KIF18B: variants seen among roughly 807,000 people sequenced by gnomAD.
KIF18B encodes the protein kinesin-like protein KIF18B.
Under a neutral mutation model 80.9 loss-of-function variants are expected in KIF18B, and 49 were observed. The observed-to-expected ratio is 0.61, with a 90% CI of 0.48 to 0.77. The LOEUF (loss-of-function observed/expected upper bound fraction) is 0.77. Ranked by LOEUF, KIF18B falls within the 30% of genes least tolerant of loss-of-function variation. KIF18B has a pLI of 0.00. For synonymous variants in KIF18B, 439 were observed against 463.9 expected (o/e 0.95, Z 0.69); for missense variants, 994 against 1,127.7 (o/e 0.88, Z 1.70).
chr17:44,932,494 T>C (rs140325382), intron 9 of KIF18B, 179 bp downstream of exon 9: 47 of 600,902 alleles, frequency 7.8e-5, no homozygotes, highest in East Asian at 3.0e-4. Flanking sequence ...CATTTACTCA[T>C]TGGACACAGC....
chr17:44,937,795 T>C (rs1232595347), intron 1 of KIF18B, among the ~76,000 whole-genome samples: 1 of 152,174 alleles, frequency 6.6e-6, no homozygotes, highest in Non-Finnish European at 1.5e-5. Flanking sequence ...ATAATAATGA[T>C]GATAATGTGC....
chr17:44,935,151 C>T, intron 3 of KIF18B, 108 bp downstream of exon 3: 1 of 1,212,890 alleles, frequency 8.2e-7, no homozygotes, highest in Non-Finnish European at 1.1e-6. Flanking sequence ...TGAGGGGTGC[C>T]AGCTCTCCAT....
rs1328632304 is a variant in KIF18B at position 44,934,923 on chromosome 17, G to C, written c.484C>G (p.Gln162Glu). The change falls in exon 4 of 16, where the codon CAG becomes GAG. Residue 162 changes from glutamine to glutamate, a missense_variant. Gln to Glu is a conservative substitution (Grantham distance 29). Transcript: ENST00000593135. The surrounding 1 kb of genome is among the most constrained non-coding windows in gnomAD (Gnocchi z 5.4). The part of the protein sequence containing the change: ...LISYQEVYNE[Q>E]IHDLLEPKGP... The stretch of plus-strand genomic sequence containing the variant: ...TTGGGCTCCAGGAGGTCATGGATCT[G>C]TTCATTATACACCTGAGAAAGGAAG... 7 of 1,541,906 alleles carry C rather than the reference G, an allele frequency of 4.5e-6. No individual in the cohort carries two copies. Among genetic ancestry groups the C allele is most frequent in the Non-Finnish European group, 4.4e-6 (5 of 1,138,624 alleles).
At position 44,926,997 on chromosome 17, in the gene KIF18B, G is replaced by A. The variant is rs368451687; in HGVS notation, c.2358C>T (p.Arg786=). The A allele has an allele frequency of 1.4e-4, 223 of 1,610,252 alleles. No individual in the cohort carries two copies. Among genetic ancestry groups the A allele is most frequent in the Middle Eastern group, 6.6e-4 (4 of 6,046 alleles). Residue 786 remains arginine (R), a synonymous_variant, in exon 14 of 16, where the codon CGC becomes CGT. Transcript: ENST00000593135. ...CACCTCCCAAACCTCACCTCGCAAC[G>A]CGCTTCTTCTTGCAGGCAGAGGTCC... ...LPGTSACKKK[R]VASSSVSHGR... is the part of the protein sequence containing the mutation.
chr17:44,928,698 G>A, intron 12 of KIF18B, 120 bp from the exon 13 acceptor site: 3 of 1,382,228 alleles, frequency 2.2e-6, no homozygotes, highest in South Asian at 1.4e-5. Flanking sequence ...AGGATCCCAG[G>A]GGCCCAGCCT....
intron 7 of KIF18B, among the ~76,000 whole-genome samples, chr17:44,933,400 G>A (rs1471846882): frequency 1.3e-5 from 2 of 152,170 alleles, no homozygotes; most frequent in Admixed American, 6.5e-5. Flanking sequence ...CCTTGGTTTT[G>A]GAGAACATCT....
At chr17:44,928,617 C>T (rs569266892) in intron 12 of KIF18B, 39 bp from the exon 13 acceptor site, 1 of 1,441,464 alleles carries the variant, frequency 6.9e-7, no homozygotes, top group Non-Finnish European at 9.1e-7. Flanking sequence ...ACTTGGGGAG[C>T]CAGACACTGG....
intron 7 of KIF18B, among the ~76,000 whole-genome samples, chr17:44,933,496 CTTT>C (rs913406618): frequency 4.2e-5 from 6 of 143,122 alleles, no homozygotes; most frequent in African/African-American, 2.6e-5. Context: ...AGAGGAACTT[CTTT>C]TTTTTTTTTT....
rs762900756 is a variant in KIF18B at position 44,936,279 on chromosome 17, C to T, written c.66G>A (p.Leu22=). 2 of 1,611,020 alleles carry T rather than the reference C, an allele frequency of 1.2e-6. No homozygotes were observed. Among genetic ancestry groups the T allele is most frequent in the South Asian group, 1.1e-5 (1 of 90,474 alleles). The stretch of plus-strand genomic sequence containing the variant: ...GAACCACTGGCCGCCGCTGACTGTC[C>T]AGCTCCCGAGGGGTGGGGGGCCGCA... The part of the protein sequence containing the change: ...VRVRPPTPRE[L]DSQRRPVVQV... The change falls in exon 2 of 16, where the codon CTG becomes CTA. Residue 22 remains leucine, a synonymous_variant. Transcript: ENST00000593135.
Position 44,928,102 on chromosome 17 carries a change from G to T in KIF18B, c.2200C>A (p.Pro734Thr). 6.3e-7 allele frequency: 1 copy of T among 1,576,076 alleles called. No individual in the cohort carries two copies. Among genetic ancestry groups the T allele is most frequent in the Non-Finnish European group, 8.6e-7 (1 of 1,162,620 alleles). ...CAGCCAATGCATTCATGGAAACTGG[G>T]CTTTGAGGGAGGCTCCTCAGAGAGA... ...FDLSEEPPSKPSFHECIGWDK... is the reference protein window; with the variant it reads ...FDLSEEPPSKTSFHECIGWDK... Residue 734 changes from proline to threonine, a missense_variant, in exon 13 of 16, where the codon CCC (proline) becomes ACC (threonine). Transcript: ENST00000593135.
At position 44,925,609 on chromosome 17, in the gene KIF18B, CCTCT is replaced by C. The variant is rs889191861; in HGVS notation, c.*467_*470del. On this transcript the variant is annotated 3_prime_UTR_variant, in exon 16 of 16. Coordinates refer to ENST00000593135, the MANE Select transcript of KIF18B (RefSeq NM_001265577.2). The stretch of plus-strand genomic sequence containing the variant: ...CAGCCTGGCCAACATGGAAAAACCC[CCTCT>C]CTATTAAAAAGACGAAAATTAGCTG... 5 of 201,278 alleles carry C rather than the reference CCTCT, an allele frequency of 2.5e-5. No homozygotes were observed. The highest frequency in any genetic ancestry group is 1.2e-4 in the Admixed American group (2 of 16,294). 12.5% of individuals were successfully genotyped at this position (201,278 alleles called of 1,614,324 possible). A position where few individuals can be genotyped will look rare whatever the true frequency, so the allele number is the denominator to read the frequency against.
intron 1 of KIF18B, among the ~76,000 whole-genome samples, chr17:44,937,905 T>C (rs1469918070): frequency 1.3e-5 from 2 of 152,162 alleles, no homozygotes; most frequent in African/African-American, 2.4e-5. Context: ...AGCAATTTCT[T>C]CTATTCTTGT....
At chr17:44,929,504 T>C (rs1244622964) in intron 11 of KIF18B, among the ~76,000 whole-genome samples, 1 of 152,154 alleles carries the variant, frequency 6.6e-6, no homozygotes, top group Non-Finnish European at 1.5e-5. Flanking sequence ...AGCTGTGTGA[T>C]CTTGGATGCA....
Position 44,927,639 on chromosome 17 carries a change from G to GT in KIF18B, c.2276+386dup, listed in dbSNP as rs758544451. The stretch of plus-strand genomic sequence containing the variant: ...TCTGGAGTAGAAGTGGCAGAAAGAG[G>GT]TATTTCCCAGTGGAACATAGAATGC... On this transcript the variant is annotated intron_variant, in intron 13 of 15. Coordinates refer to ENST00000593135, the MANE Select transcript of KIF18B (RefSeq NM_001265577.2). The surrounding 1 kb of genome is among the most constrained non-coding windows in gnomAD (Gnocchi z 4.1). Among the ~76,000 whole-genome samples the GT allele has an allele frequency of 3.3e-5, 5 of 152,258 alleles. No individual in the cohort carries two copies. Among genetic ancestry groups the GT allele is most frequent in the Non-Finnish European group, 5.9e-5 (4 of 68,042 alleles).
chr17:44,939,357 A>G (rs1597893576), intron 1 of KIF18B, among the ~76,000 whole-genome samples: 3 of 109,928 alleles, frequency 2.7e-5, no homozygotes, highest in Admixed American at 2.3e-4. Flanking sequence ...GGTGACAGAG[A>G]CTCCATCTCA....
rs1243351279 is a variant in KIF18B, at chr17:44,932,997, G to A, written c.1063-11C>T. ...CACATTGCTCTTCAGCTGAGATGGG[G>A]AACAGGAGAGAGATTTATTTGTTCA... On this transcript the variant is annotated splice_polypyrimidine_tract_variant and intron_variant, in intron 7 of 15. Transcript: ENST00000593135. The A allele has an allele frequency of 3.7e-6, 6 of 1,600,116 alleles. No individual in the cohort carries two copies. The Admixed American group carries it at 5.1e-5, about 14-fold the overall frequency.
rs1156821790 is a variant in KIF18B at position 44,927,164 on chromosome 17, G to A, written c.2277-86C>T. ...CTTCCTCCCTCCAGCCCCCAGCTCG[G>A]GCATGGGGGAGGGTGGTTGGACAAG... is the stretch of plus-strand genomic sequence containing the variant. On this transcript the variant is annotated intron_variant, in intron 13 of 15. Coordinates refer to ENST00000593135, the MANE Select transcript of KIF18B (RefSeq NM_001265577.2). The surrounding 1 kb of genome is among the most constrained non-coding windows in gnomAD (Gnocchi z 4.1). 22 of 1,002,326 alleles carry A rather than the reference G, an allele frequency of 2.2e-5. No individual in the cohort carries two copies. The highest frequency in any genetic ancestry group is 3.2e-5 in the Non-Finnish European group (22 of 678,674). 62.1% of individuals were successfully genotyped at this position (1,002,326 alleles called of 1,614,324 possible). A position where few individuals can be genotyped will look rare whatever the true frequency, so the allele number is the denominator to read the frequency against.
intron 1 of KIF18B, among the ~76,000 whole-genome samples, chr17:44,946,891 C>A (rs1333925619): frequency 1.3e-5 from 2 of 151,962 alleles, no homozygotes; most frequent in Non-Finnish European, 2.9e-5. Flanking sequence ...GAGGCCGAAG[C>A]GGCGGATCGC....
rs746748162 is a variant in KIF18B, at chr17:44,928,369, G to A, written c.1933C>T (p.Arg645Trp). 16 of 1,589,980 alleles carry A rather than the reference G, an allele frequency of 1.0e-5. No homozygotes were observed. Among genetic ancestry groups the A allele is most frequent in the African/African-American group, 1.3e-5 (1 of 74,714 alleles). Residue 645 changes from arginine to tryptophan, a missense_variant, in exon 13 of 16, where the codon CGG becomes TGG. Arg to Trp is a moderately radical substitution (Grantham distance 101). Coordinates refer to ENST00000593135, the MANE Select transcript of KIF18B (RefSeq NM_001265577.2). ...GACTGGCGCTGGCGCTTGGTGCCCC[G>A]CTTTGGGGCCATGGGACTGTCTGCC... ...LEADSPMAPKRGTKRQRQSFL... is the reference protein window; with the variant it reads ...LEADSPMAPKWGTKRQRQSFL...
Sources: gnomAD v4.1 joint callset for allele counts (sites outside exome capture counted in the v4.1 genomes callset) on GRCh38, gnomAD v4.1.1 for gene constraint, Gnocchi (gnomAD v3.1) non-coding constraint, MANE v1.5 for transcripts, NCBI Gene and HGNC (gene_info 2026-07-23, HGNC 2026-07-21) for gene names.